GRM7: variants seen among roughly 807,000 people sequenced by gnomAD.
GRM7 encodes the protein metabotropic glutamate receptor 7.
A neutral mutation model predicts 84.5 loss-of-function variants in GRM7; 35 were observed. The ratio of observed to expected loss-of-function variants is 0.41; its 90% confidence interval spans 0.32 to 0.55. The LOEUF is 0.55. Among genes scored for constraint, GRM7 ranks in the 20% least tolerant of loss-of-function variants. GRM7 has a pLI of 0.19. For synonymous variants in GRM7, 487 were observed against 455.1 expected, an observed-to-expected ratio of 1.07 and a Z score of -0.89; for missense variants, 1,003 against 1,194.6, an observed-to-expected ratio of 0.84 and a Z score of 2.36.
At chr3:7,182,220 G>C (rs769506045) in intron 2 of GRM7, among the ~76,000 whole-genome samples, 11 of 151,866 alleles carry the variant, frequency 7.2e-5, no homozygotes, top group African/African-American at 2.7e-4. Flanking sequence ...TACTGATAAT[G>C]CAAAAAAAAC....
intron 6 of GRM7, among the ~76,000 whole-genome samples, chr3:7,454,713 C>T (rs6771374): frequency 2.6e-5 from 4 of 151,548 alleles, no homozygotes; most frequent in African/African-American, 9.7e-5. Context: ...GATAAAAATC[C>T]CTAACAAGGA....
chr3:7,395,581 G>C (rs933002367), intron 4 of GRM7, among the ~76,000 whole-genome samples: 6 of 152,036 alleles, frequency 3.9e-5, no homozygotes, highest in Admixed American at 6.6e-5. Context: ...TTGAATCCTA[G>C]GGGCAATTTT....
intron 1 of GRM7, among the ~76,000 whole-genome samples, chr3:7,095,909 C>T (rs1028427766): frequency 6.6e-6 from 1 of 151,996 alleles, no homozygotes; most frequent in African/African-American, 2.4e-5. Flanking sequence ...GTGCACACAC[C>T]TTACACACAT....
chr3:7,037,391 A>C (rs1460447184), intron 1 of GRM7, among the ~76,000 whole-genome samples: 1 of 152,228 alleles, frequency 6.6e-6, no homozygotes, highest in Non-Finnish European at 1.5e-5. Flanking sequence ...TACTAGCAGT[A>C]TACCTTTGGA....
Position 7,467,535 on chromosome 3 carries a change from G to A in GRM7, c.1515+5813G>A, listed in dbSNP as rs28445307. On this transcript the variant is annotated intron_variant, in intron 7 of 9. Transcript: ENST00000357716. ...CTCCCTAATCAAGACATCACTGGAT[G>A]TCTGCTGGCCAATCTGAGACATCAA... Among the ~76,000 whole-genome samples the A allele has an allele frequency of 4.2e-3, 644 of 152,304 alleles. 2 individuals are homozygous for A. The highest frequency in any genetic ancestry group is 0.013 in the African/African-American group (536 of 41,564).
intron 8 of GRM7, among the ~76,000 whole-genome samples, chr3:7,677,997 C>T (rs1328241508): frequency 2.6e-5 from 4 of 152,114 alleles, no homozygotes; most frequent in Non-Finnish European, 2.9e-5. Context: ...AAATCAAATA[C>T]CTCATGTTCT....
At chr3:7,324,507 G>C (rs1429531539) in intron 4 of GRM7, among the ~76,000 whole-genome samples, 1 of 152,086 alleles carries the variant, frequency 6.6e-6, no homozygotes, top group African/African-American at 2.4e-5. Flanking sequence ...GCCTCTTATG[G>C]CCTTTTCAGT....
intron 4 of GRM7, among the ~76,000 whole-genome samples, chr3:7,410,668 ACACACACACACG>A (rs1159075659): frequency 6.6e-6 from 1 of 151,844 alleles, no homozygotes; most frequent in East Asian, 1.9e-4. Flanking sequence ...ACACACACAC[ACACACACACACG>A]CACATTTTGT....
At chr3:6,877,305 T>C (rs1445888377) in intron 1 of GRM7, among the ~76,000 whole-genome samples, 2 of 152,172 alleles carry the variant, frequency 1.3e-5, no homozygotes, top group African/African-American at 4.8e-5. Context: ...AAACTCACAT[T>C]AATTCATAGG....
intron 1 of GRM7, among the ~76,000 whole-genome samples, chr3:6,943,320 A>T (rs1697953789): frequency 6.6e-6 from 1 of 151,776 alleles, no homozygotes; most frequent in Non-Finnish European, 1.5e-5. Context: ...GTTTTGATTT[A>T]GATGTTTTAT....
intron 8 of GRM7, among the ~76,000 whole-genome samples, chr3:7,602,284 C>T (rs1431719525): frequency 1.3e-5 from 2 of 152,002 alleles, no homozygotes; most frequent in Non-Finnish European, 2.9e-5. Context: ...CCCATCCCTC[C>T]CCTAGTCAGG....
chr3:7,253,353 G>A (rs896134071), intron 2 of GRM7, among the ~76,000 whole-genome samples: 19 of 151,898 alleles, frequency 1.3e-4, no homozygotes, highest in African/African-American at 2.9e-4. Flanking sequence ...CTTAATTCTC[G>A]CCTGTAATCC....
chr3:6,944,770 T>G (rs995204063), intron 1 of GRM7, among the ~76,000 whole-genome samples: 1 of 152,146 alleles, frequency 6.6e-6, no homozygotes, highest in Non-Finnish European at 1.5e-5. Flanking sequence ...TCTTACTTAT[T>G]TGGTAGAATT....
chr3:7,503,721 T>C (rs1188310260), intron 7 of GRM7, among the ~76,000 whole-genome samples: 1 of 152,196 alleles, frequency 6.6e-6, no homozygotes, highest in Non-Finnish European at 1.5e-5. Context: ...TTAAATCCTC[T>C]GAAGTCAATT....
In GRM7 at chr3:6,924,638, A is replaced by T. The variant is rs114207238; in HGVS notation, c.519+62731A>T. 5.3e-3 allele frequency among the ~76,000 whole-genome samples: 801 copies of T among 152,174 alleles called. 8 individuals carry two copies. Among genetic ancestry groups the T allele is most frequent in the African/African-American group, 0.019 (770 of 41,530 alleles). On this transcript the variant is annotated intron_variant, in intron 1 of 9. Transcript: ENST00000357716. ...GGTAGTTCTGCTTCTTACATGGGCA[A>T]CTCCATGCCAATGAGTAGCAACATG...
At chr3:7,125,930 G>A (rs949226617) in intron 1 of GRM7, among the ~76,000 whole-genome samples, 4 of 152,218 alleles carry the variant, frequency 2.6e-5, no homozygotes, top group Non-Finnish European at 5.9e-5. Context: ...TCTGTTGATA[G>A]AAATGGGATT....
At chr3:6,907,522 G>T (rs1696624407) in intron 1 of GRM7, among the ~76,000 whole-genome samples, 1 of 152,122 alleles carries the variant, frequency 6.6e-6, no homozygotes, top group African/African-American at 2.4e-5. Context: ...AGAGATTATT[G>T]GGTCCAAATT....
Position 7,350,218 on chromosome 3 carries a change from A to G in GRM7, c.1033+43566A>G, listed in dbSNP as rs573641952. On this transcript the variant is annotated intron_variant, in intron 4 of 9. Coordinates refer to ENST00000357716, the MANE Select transcript of GRM7 (RefSeq NM_000844.4). ...TTGTTTTCTAAAATTACTGAGAAAA[A>G]GTTTTTGAGCTTGTTAATTGATATG... Among the ~76,000 whole-genome samples the G allele has an allele frequency of 1.1e-4, 17 of 152,168 alleles. No individual in the cohort carries two copies. In the Middle Eastern group the frequency reaches 0.01, roughly 91 times the overall value.
intron 7 of GRM7, among the ~76,000 whole-genome samples, chr3:7,495,672 T>C (rs1024532098): frequency 2.0e-5 from 3 of 152,162 alleles, no homozygotes; most frequent in Non-Finnish European, 4.4e-5. Context: ...AGGTCTTCCT[T>C]GAAAGATGTT....
Sources: allele counts gnomAD v4.1 joint callset (sites outside exome capture counted in the v4.1 genomes callset), GRCh38; gene constraint gnomAD v4.1.1; transcripts MANE v1.5; gene names NCBI Gene and HGNC (gene_info 2026-07-23, HGNC 2026-07-21).